FAM20B: variants seen among roughly 807,000 people sequenced by gnomAD.
FAM20B encodes the protein FAM20B glycosaminoglycan xylosylkinase.
FAM20B carries 23 observed loss-of-function variants against 43.8 expected under a neutral mutation model. That is an observed-to-expected ratio of 0.53 (90% CI 0.38 to 0.74). FAM20B has a LOEUF of 0.74. Ranked by LOEUF, FAM20B falls within the 30% of genes least tolerant of loss-of-function variation. FAM20B has a pLI of 0.00. For synonymous variants in FAM20B, 178 were observed against 192.4 expected, an observed-to-expected ratio of 0.93 and a Z score of 0.62; for missense variants, 440 against 510.5, an observed-to-expected ratio of 0.86 and a Z score of 1.33.
chr1:179,053,794 T>C (rs539820764), intron 3 of FAM20B, among the ~76,000 whole-genome samples: 1 of 152,288 alleles, frequency 6.6e-6, no homozygotes, highest in South Asian at 2.1e-4. Flanking sequence ...ATTGTATGTA[T>C]ATACGTAAGT....
intron 7 of FAM20B, among the ~76,000 whole-genome samples, chr1:179,067,134 C>T (rs1651724036): frequency 6.6e-6 from 1 of 151,708 alleles, no homozygotes; most frequent in Non-Finnish European, 1.5e-5. Context: ...AATATAATCA[C>T]CCACACTCCC....
rs1652060528 is a variant in FAM20B at position 179,074,587 on chromosome 1, C to G, written c.*2443C>G. 6.6e-6 allele frequency: 1 copy of G among 152,184 alleles called. No individual in the cohort carries two copies. The highest frequency in any genetic ancestry group is 2.4e-5 in the African/African-American group (1 of 41,444). The allele number at this position is 152,184 out of a possible 1,614,324, so 9.4% of individuals were successfully genotyped here. A position where few individuals can be genotyped will look rare whatever the true frequency, so the allele number is the denominator to read the frequency against. ...GCAGGCAGGAAAGAAAATGTCTCAT[C>G]CTTTCTTGAAAGCATTTGCAGAAAA... is the stretch of plus-strand genomic sequence containing the variant. On this transcript the variant is annotated 3_prime_UTR_variant, in exon 8 of 8. Coordinates refer to ENST00000263733, the MANE Select transcript of FAM20B (RefSeq NM_014864.4).
At chr1:179,067,980 G>A (rs1038329759) in intron 7 of FAM20B, among the ~76,000 whole-genome samples, 3 of 152,014 alleles carry the variant, frequency 2.0e-5, no homozygotes, top group African/African-American at 7.2e-5. Context: ...CCAGGCTGGT[G>A]TCAAACTATT....
intron 6 of FAM20B, 24 bp downstream of exon 6, chr1:179,064,520 G>T (rs746214484): frequency 6.3e-7 from 1 of 1,577,170 alleles, no homozygotes; most frequent in Admixed American, 1.7e-5. Context: ...GACTGTCCTT[G>T]TCAGGGAGGG....
chr1:179,069,875 CT>C (rs1651842324), intron 7 of FAM20B, among the ~76,000 whole-genome samples: 1 of 152,166 alleles, frequency 6.6e-6, no homozygotes, highest in Non-Finnish European at 1.5e-5. Flanking sequence ...GCACAACAGG[CT>C]GCCTTTTACA....
At chr1:179,031,806 C>A (rs1178517366) in intron 1 of FAM20B, among the ~76,000 whole-genome samples, 2 of 152,214 alleles carry the variant, frequency 1.3e-5, no homozygotes, top group Admixed American at 6.5e-5. Flanking sequence ...AAGCTGTCAT[C>A]TTTAAAACAC....
chr1:179,064,358 ACT>A lies in FAM20B; in HGVS notation c.803_804del (p.Ser268TrpfsTer9), dbSNP rs1651603745. The A allele has an allele frequency of 6.2e-7, 1 of 1,613,572 alleles. No homozygotes were observed. The highest frequency in any genetic ancestry group is 1.3e-5 in the African/African-American group (1 of 74,782). On this transcript the variant is annotated frameshift_variant, in exon 6 of 8. Transcript: ENST00000263733. LOFTEE classifies it high-confidence loss of function. ...GCTGTGAAGAAAACGTCCCCTTATG[ACT>A]CTGGCCCGCGCCTCTTGGACATCAT...
chr1:179,072,036 C>A lies in FAM20B; in HGVS notation c.1122C>A (p.Ala374=). The A allele has an allele frequency of 6.2e-7, 1 of 1,614,138 alleles. No individual in the cohort carries two copies. The highest frequency in any genetic ancestry group is 8.5e-7 in the Non-Finnish European group (1 of 1,180,016). Residue 374 remains alanine, a synonymous_variant, in exon 8 of 8, where the codon GCC becomes GCA. Transcript: ENST00000263733. ...TGCTCTCTGATCCTCATCTGGACGC[C>A]GTGGACCAGCGGCTCCTGAGTGTCC... is the stretch of plus-strand genomic sequence containing the variant. ...SPVLSDPHLD[A]VDQRLLSVLA...
rs187612702 is a variant in FAM20B, at chr1:179,064,628, T to G, written c.938+132T>G. On this transcript the variant is annotated intron_variant, in intron 6 of 7. Transcript: ENST00000263733. Reference sequence around the variant, plus strand: ...ATCCTTCTTTTTTCCACTTGGAGTCTTTGCTATTGGTACCTGTCCTTCTCT... The same window carrying G: ...ATCCTTCTTTTTTCCACTTGGAGTCGTTGCTATTGGTACCTGTCCTTCTCT... 1.9e-5 allele frequency: 13 copies of G among 682,190 alleles called. No individual in the cohort carries two copies. The Admixed American group carries it at 2.9e-4, about 15-fold the overall frequency. 42.3% of individuals were successfully genotyped at this position (682,190 alleles called of 1,614,324 possible). A position where few individuals can be genotyped will look rare whatever the true frequency, so the allele number is the denominator to read the frequency against.
rs115232738 is a variant in FAM20B at position 179,068,353 on chromosome 1, G to A, written c.998+1494G>A. 2.4e-3 allele frequency among the ~76,000 whole-genome samples: 369 copies of A among 152,214 alleles called. 4 individuals are homozygous for A. The highest frequency in any genetic ancestry group is 8.6e-3 in the African/African-American group (359 of 41,530). On this transcript the variant is annotated intron_variant, in intron 7 of 7. Transcript: ENST00000263733. Reference sequence around the variant, plus strand: ...GAATTGTGTGTTTGTCTTTGAAGATGTTTTTGTGGTAGTAGTTTTATCAGT... The same window carrying A: ...GAATTGTGTGTTTGTCTTTGAAGATATTTTTGTGGTAGTAGTTTTATCAGT...
chr1:179,046,426 G>A (rs1450598543), intron 2 of FAM20B, among the ~76,000 whole-genome samples: 2 of 152,294 alleles, frequency 1.3e-5, no homozygotes, highest in East Asian at 1.9e-4. Flanking sequence ...CAAGGTGGGC[G>A]GATCACTTGA....
chr1:179,032,313 C>CTTTTTTTTTTTTT lies in FAM20B; in HGVS notation c.-134+6229_-134+6241dup, dbSNP rs547439601. Among the ~76,000 whole-genome samples, 5 of 111,936 alleles carry CTTTTTTTTTTTTT rather than the reference C, an allele frequency of 4.5e-5. 1 individual carries two copies. The highest frequency in any genetic ancestry group is 7.5e-5 in the Non-Finnish European group (4 of 53,348). 73.4% of individuals were successfully genotyped at this position (111,936 alleles called of 152,430 possible). On this transcript the variant is annotated intron_variant, in intron 1 of 7. Transcript: ENST00000263733. ...GCACAACACATGTAGAGGTCTCATTCTTTTTTTTTTTTTTTTTTTTTTTTT... is the reference window on the plus strand; with the variant it reads ...GCACAACACATGTAGAGGTCTCATTCTTTTTTTTTTTTTTTTTTTTTTTTTTTTTTTTTTTTTT...
intron 7 of FAM20B, among the ~76,000 whole-genome samples, chr1:179,069,211 CCT>C (rs1301158506): frequency 6.6e-6 from 1 of 152,126 alleles, no homozygotes; most frequent in Non-Finnish European, 1.5e-5. Flanking sequence ...CAGTGGATGA[CCT>C]CTCTGCCTCC....
chr1:179,027,273 C>T (rs1469368139), intron 1 of FAM20B, among the ~76,000 whole-genome samples: 2 of 152,140 alleles, frequency 1.3e-5, no homozygotes, highest in African/African-American at 4.8e-5. Context: ...ATTTCACTGG[C>T]GTTGATTTCT....
At chr1:179,035,299 T>C in intron 1 of FAM20B, 1 of 650,602 alleles carries the variant, frequency 1.5e-6, no homozygotes, top group Non-Finnish European at 2.9e-6. Context: ...CTTTAAGGAC[T>C]CAGCTCCTTA....
At chr1:179,055,027 C>T (rs1651150973) in intron 4 of FAM20B, among the ~76,000 whole-genome samples, 1 of 152,148 alleles carries the variant, frequency 6.6e-6, no homozygotes, top group African/African-American at 2.4e-5. Flanking sequence ...GGAACTGTCT[C>T]CCATCTCCTT....
At chr1:179,030,026 G>T (rs1223205047) in intron 1 of FAM20B, among the ~76,000 whole-genome samples, 1 of 152,152 alleles carries the variant, frequency 6.6e-6, no homozygotes, top group African/African-American at 2.4e-5. Context: ...TTTCAGTGGT[G>T]GAAAGCTGCT....
chr1:179,066,976 A>T, intron 7 of FAM20B, 117 bp downstream of exon 7: 1 of 710,630 alleles, frequency 1.4e-6, no homozygotes, highest in South Asian at 1.7e-5. Context: ...TGCTTTTCAT[A>T]CTTTTCCAAC....
At chr1:179,063,697 A>G (rs1210816621) in intron 4 of FAM20B, among the ~76,000 whole-genome samples, 1 of 152,236 alleles carries the variant, frequency 6.6e-6, no homozygotes, top group African/African-American at 2.4e-5. Flanking sequence ...CACAGGAGGC[A>G]AGGGCAACTT....
Sources: gnomAD v4.1 joint callset for allele counts (sites outside exome capture counted in the v4.1 genomes callset) on GRCh38, gnomAD v4.1.1 for gene constraint, MANE v1.5 for transcripts, NCBI Gene and HGNC (gene_info 2026-07-23, HGNC 2026-07-21) for gene names.